Variants in KHDC4 observed in about 807,000 individuals in gnomAD.
The protein encoded by KHDC4 is KH domain containing 4, pre-mRNA splicing factor.
Under a neutral mutation model 74.5 loss-of-function variants are expected in KHDC4, and 19 were observed. That is an observed-to-expected ratio of 0.26 (90% CI 0.18 to 0.37). The LOEUF (loss-of-function observed/expected upper bound fraction) is 0.37, where lower values mean the gene tolerates loss of function less well. KHDC4 is among the 10% of genes least tolerant of loss of function. The pLI, the probability that KHDC4 is intolerant of heterozygous loss-of-function variation, is 1.00. For synonymous variants in KHDC4, 253 were observed against 266.1 expected (o/e 0.95, Z 0.48); for missense variants, 632 against 754.1 (o/e 0.84, Z 1.90).
intron 12 of KHDC4, 35 bp downstream of exon 12, chr1:155,916,590 C>T (rs764952673): frequency 1.4e-6 from 2 of 1,385,766 alleles, no homozygotes; most frequent in Admixed American, 1.7e-5. Context: ...AAACAAATAA[C>T]ATCTGAATAC....
intron 8 of KHDC4, among the ~76,000 whole-genome samples, chr1:155,922,993 C>T (rs977918292): frequency 1.3e-5 from 2 of 152,094 alleles, no homozygotes; most frequent in African/African-American, 4.8e-5. Flanking sequence ...ATCACGAGGT[C>T]AGGAGATCGA....
chr1:155,921,766 T>A, intron 9 of KHDC4, 95 bp downstream of exon 9: 1 of 1,392,790 alleles, frequency 7.2e-7, no homozygotes. Context: ...AAAGGGAACA[T>A]TAATAGTGCC....
Position 155,916,731 on chromosome 1 carries a change from G to A in KHDC4, c.1447C>T (p.Pro483Ser). Residue 483 changes from proline to serine, a missense_variant, in exon 12 of 14, where the codon CCC (proline) becomes TCC (serine). By Grantham distance (74) the Pro-to-Ser change is moderately conservative (BLOSUM62 -1). Transcript: ENST00000368321. ...ESGLLGYQHG[P>S]IHMTNLGTGF... ...GTACCTAAATTAGTCATATGAATGG[G>A]TCCATGCTATGAGCAGAAAAATACA... The A allele has an allele frequency of 1.2e-6, 2 of 1,609,532 alleles. No individual in the cohort carries two copies. Among genetic ancestry groups the A allele is most frequent in the Non-Finnish European group, 1.7e-6 (2 of 1,176,696 alleles).
intron 13 of KHDC4, 29 bp from the exon 14 acceptor site, chr1:155,914,349 C>T: frequency 3.3e-6 from 5 of 1,516,934 alleles, no homozygotes; most frequent in Non-Finnish European, 4.5e-6. Flanking sequence ...AACCCCAACC[C>T]CATCCCCGCC....
Position 155,921,435 on chromosome 1 carries a change from G to A in KHDC4, c.1206C>T (p.Val402=), listed in dbSNP as rs552289126. 1.9e-6 allele frequency: 3 copies of A among 1,614,042 alleles called. No individual in the cohort carries two copies. Among genetic ancestry groups the A allele is most frequent in the African/African-American group, 2.7e-5 (2 of 74,914 alleles). ...TCGGGTATTGTGTTGGCACAGGTGGGACTCCAGTAGGTAATGCCGGCAAGA... is the reference window on the plus strand; with the variant it reads ...TCGGGTATTGTGTTGGCACAGGTGGAACTCCAGTAGGTAATGCCGGCAAGA... ...PGVLPALPTG[V]PPVPTQYPIT... Residue 402 remains valine, a synonymous_variant, in exon 10 of 14, where the codon GTC becomes GTT. Coordinates refer to ENST00000368321, the MANE Select transcript of KHDC4 (RefSeq NM_014949.4).
At chr1:155,927,661 C>A (rs1181737682) in intron 4 of KHDC4, among the ~76,000 whole-genome samples, 1 of 151,560 alleles carries the variant, frequency 6.6e-6, no homozygotes, top group Non-Finnish European at 1.5e-5. Flanking sequence ...AAAAATTAGC[C>A]GGGCATGGTG....
chr1:155,917,607 C>T lies in KHDC4; in HGVS notation c.1332G>A (p.Gln444=), dbSNP rs759226423. 1.2e-5 allele frequency: 19 copies of T among 1,571,108 alleles called. No homozygotes were observed. Among genetic ancestry groups the T allele is most frequent in the South Asian group, 2.2e-5 (2 of 89,142 alleles). The change falls in exon 11 of 14, where the codon CAG becomes CAA. Residue 444 remains glutamine (Q), a synonymous_variant. Transcript: ENST00000368321. ...GTGGGGGCTGGGGCTGGGGCTGGGG[C>T]TGGGGGCCAGCAGGCAAGGCAGTTT... ...PVKTALPAGP[Q]PQPQPQPPLP... is the part of the protein sequence containing the mutation.
In KHDC4 at chr1:155,921,933, G is replaced by A. The variant is rs139693276; in HGVS notation, c.955-15C>T. The A allele has an allele frequency of 5.1e-6, 8 of 1,580,050 alleles. No individual in the cohort carries two copies. The highest frequency in any genetic ancestry group is 2.2e-5 in the South Asian group (2 of 89,760). ...TCAGCATGAACCTGAAAGAGAGGGG[G>A]AAACAAATTAACATGGGACAGCCGA... On this transcript the variant is annotated splice_polypyrimidine_tract_variant and intron_variant, in intron 8 of 13. Transcript: ENST00000368321.
At chr1:155,927,832 CCACACACACACA>C (rs199711249) in intron 4 of KHDC4, among the ~76,000 whole-genome samples, 970 of 90,892 alleles carry the variant, frequency 0.011, 18 homozygotes, top group East Asian at 0.058. Flanking sequence ...AAAAAAAAAA[CCACACACACACA>C]CACACACACA....
chr1:155,926,174 GAAT>G, intron 6 of KHDC4: 1 of 473,226 alleles, frequency 2.1e-6, no homozygotes, highest in Non-Finnish European at 4.1e-6. Context: ...CTCCTTTCTA[GAAT>G]ATATCAATAT....
In KHDC4 at chr1:155,913,822, T is replaced by C. The variant is rs764425097; in HGVS notation, c.*299A>G. 4 of 334,498 alleles carry C rather than the reference T, an allele frequency of 1.2e-5. No homozygotes were observed. Among genetic ancestry groups the C allele is most frequent in the Non-Finnish European group, 2.2e-5 (4 of 180,030 alleles). The allele number at this position is 334,498 out of a possible 1,614,324, so 20.7% of individuals were successfully genotyped here. A position where few individuals can be genotyped will look rare whatever the true frequency, so the allele number is the denominator to read the frequency against. On this transcript the variant is annotated 3_prime_UTR_variant, in exon 14 of 14. Transcript: ENST00000368321. ...CCTGGAAAAGGCTGACCAGGTCAAA[T>C]GTGTATGGGAACGACCCTGTTAGGA... is the stretch of plus-strand genomic sequence containing the variant.
chr1:155,924,087 A>T (rs778795600), intron 7 of KHDC4, among the ~76,000 whole-genome samples: 20 of 152,096 alleles, frequency 1.3e-4, no homozygotes, highest in Non-Finnish European at 2.6e-4. Context: ...GGAGACCGAG[A>T]CAGGCGGATC....
chr1:155,925,928 G>A, intron 6 of KHDC4, 85 bp from the exon 7 acceptor site: 1 of 1,153,470 alleles, frequency 8.7e-7, no homozygotes, highest in Non-Finnish European at 1.3e-6. Context: ...AGAAATTATA[G>A]CAAAGACAGT....
chr1:155,927,875 A>T (rs12568523), intron 4 of KHDC4, among the ~76,000 whole-genome samples: 1 of 71,622 alleles, frequency 1.4e-5, no homozygotes, highest in African/African-American at 5.2e-5. Flanking sequence ...CACACACACA[A>T]AATTAATGGG....
rs1424369692 is a variant in KHDC4 at position 155,916,728 on chromosome 1, T to C, written c.1450A>G (p.Ile484Val). 2 of 1,611,908 alleles carry C rather than the reference T, an allele frequency of 1.2e-6. No homozygotes were observed. Among genetic ancestry groups the C allele is most frequent in the Non-Finnish European group, 1.7e-6 (2 of 1,178,396 alleles). ...SGLLGYQHGP[I>V]HMTNLGTGFS... ...CCTGTACCTAAATTAGTCATATGAA[T>C]GGGTCCATGCTATGAGCAGAAAAAT... is the stretch of plus-strand genomic sequence containing the variant. The change falls in exon 12 of 14, where the codon ATT (isoleucine) becomes GTT (valine). Residue 484 changes from isoleucine to valine, a missense_variant. Ile to Val is a conservative substitution (Grantham distance 29, BLOSUM62 3). Around this residue, in one of 4 missense-constraint regions of KHDC4, gnomAD observed 254 missense variants for 267.4 expected, o/e 0.95. Transcript: ENST00000368321.
intron 4 of KHDC4, among the ~76,000 whole-genome samples, chr1:155,928,726 G>T (rs1490471924): frequency 6.6e-6 from 1 of 151,932 alleles, no homozygotes; most frequent in Non-Finnish European, 1.5e-5. Flanking sequence ...GCCGAGGGGG[G>T]TGGATCACAA....
chr1:155,917,049 G>A (rs1673747285), intron 11 of KHDC4: 2 of 248,642 alleles, frequency 8.0e-6, no homozygotes, highest in East Asian at 9.1e-5. Context: ...TTTAAAGAAT[G>A]ATTCAAGGAT....
In KHDC4 at chr1:155,915,882, C is replaced by T. The variant is rs778887701; in HGVS notation, c.1636G>A (p.Gly546Arg). ...DERNGSGTLT[G>R]SHDYPAKKMK... is the part of the protein sequence containing the mutation. The stretch of plus-strand genomic sequence containing the variant: ...GCTATATCACACTCACCATGGCTCC[C>T]TGTTAAGGTCCCAGACCCATTCCTT... The change falls in exon 13 of 14, where the codon GGG (glycine) becomes AGG (arginine). Residue 546 changes from glycine (G) to arginine (R), a missense_variant. Gly to Arg is a moderately radical substitution (Grantham distance 125). Around this residue, in one of 4 missense-constraint regions of KHDC4, gnomAD observed 254 missense variants for 267.4 expected, o/e 0.95. Transcript: ENST00000368321. 3.8e-6 allele frequency: 6 copies of T among 1,595,480 alleles called. No homozygotes were observed. The highest frequency in any genetic ancestry group is 1.7e-4 in the Middle Eastern group (1 of 6,004).
In KHDC4 at chr1:155,925,645, A is replaced by G. The variant is rs747759090; in HGVS notation, c.880T>C (p.Tyr294His). Residue 294 changes from tyrosine (Y) to histidine (H), a missense_variant, in exon 7 of 14, where the codon TAT becomes CAT. Transcript: ENST00000368321. ...ATCCATCCATACCTGATGTAAATAT[A>G]CATAGGTTCAAAAGCTTCTCGGCCA... ...ASGREAFEPM[Y>H]IYISHPKPEG... The G allele has an allele frequency of 1.2e-6, 2 of 1,614,060 alleles. No homozygotes were observed. Among genetic ancestry groups the G allele is most frequent in the Admixed American group, 3.3e-5 (2 of 60,012 alleles).
Sources: allele counts gnomAD v4.1 joint callset (sites outside exome capture counted in the v4.1 genomes callset), GRCh38; gene constraint gnomAD v4.1.1; regional missense constraint gnomAD v4.1.1; transcripts MANE v1.5; gene names NCBI Gene and HGNC (gene_info 2026-07-23, HGNC 2026-07-21).